The following INTS8 variants were observed in gnomAD, a reference collection of about 807,000 sequenced individuals.
INTS8 encodes the protein protein kaonashi-1.
In INTS8, 47 loss-of-function variants were observed where a neutral mutation model predicts 138.9. The observed-to-expected ratio is 0.34, with a 90% confidence interval of 0.27 to 0.43. The LOEUF (loss-of-function observed/expected upper bound fraction) is 0.43. INTS8 is among the 20% of genes least tolerant of loss of function. INTS8 has a pLI of 1.00. For synonymous variants in INTS8, 392 were observed against 400.9 expected (o/e 0.98, Z 0.27); for missense variants, 996 against 1,173.0 (o/e 0.85, Z 2.20).
At chr8:94,848,122 C>T (rs1815399325) in intron 10 of INTS8, among the ~76,000 whole-genome samples, 1 of 151,096 alleles carries the variant, frequency 6.6e-6, no homozygotes, top group African/African-American at 2.4e-5. Flanking sequence ...GATTCTCCTG[C>T]CTCAGCCTCC....
chr8:94,858,580 A>G (rs1815838086), intron 15 of INTS8, among the ~76,000 whole-genome samples: 1 of 152,250 alleles, frequency 6.6e-6, no homozygotes, highest in Admixed American at 6.5e-5. Context: ...CGTGTCAGGC[A>G]TTGTTCTAAG....
intron 16 of INTS8, chr8:94,860,289 AAAAC>A (rs903833140): frequency 1.3e-5 from 2 of 151,842 alleles, no homozygotes; most frequent in Non-Finnish European, 2.9e-5. Context: ...AGTTAAAAAA[AAAAC>A]AAAGTAGGCT....
At chr8:94,838,266 A>C (rs1354135698) in intron 7 of INTS8, among the ~76,000 whole-genome samples, 197 bp from the exon 8 acceptor site, 2 of 151,986 alleles carry the variant, frequency 1.3e-5, no homozygotes, top group Admixed American at 1.3e-4. Context: ...TGGCCAGGCT[A>C]GTCTCGAACT....
At chr8:94,834,504 T>C (rs1455330495) in intron 6 of INTS8, among the ~76,000 whole-genome samples, 4 of 151,812 alleles carry the variant, frequency 2.6e-5, no homozygotes, top group Admixed American at 2.6e-4. Context: ...GGTCAGAAGT[T>C]CTAGACCAGC....
chr8:94,843,064 G>A (rs1354863339), intron 10 of INTS8, among the ~76,000 whole-genome samples: 1 of 152,124 alleles, frequency 6.6e-6, no homozygotes, highest in Non-Finnish European at 1.5e-5. Flanking sequence ...GGTAGCTACT[G>A]CCCTGGCTTT....
intron 5 of INTS8, among the ~76,000 whole-genome samples, chr8:94,830,899 G>T (rs965586686): frequency 6.6e-6 from 1 of 152,108 alleles, no homozygotes; most frequent in African/African-American, 2.4e-5. Context: ...CCGGGTTCAA[G>T]CGATTCTTCT....
intron 12 of INTS8, among the ~76,000 whole-genome samples, chr8:94,850,606 C>T (rs576767228): frequency 3.4e-4 from 37 of 107,838 alleles, no homozygotes; most frequent in East Asian, 5.0e-4. Flanking sequence ...AGCGAGACTC[C>T]GACTCAAAAA....
At chr8:94,853,745 T>A (rs1036386983) in intron 13 of INTS8, 60 bp from the exon 14 acceptor site, 3 of 872,706 alleles carry the variant, frequency 3.4e-6, no homozygotes, top group Admixed American at 3.9e-5. Context: ...TGAAAGATTC[T>A]TATCTAGATT....
intron 5 of INTS8, among the ~76,000 whole-genome samples, chr8:94,831,012 G>C (rs368337266): frequency 5.1e-4 from 78 of 152,268 alleles, no homozygotes; most frequent in African/African-American, 1.8e-3. Flanking sequence ...TGGTCAGGCT[G>C]GTCTTGAACT....
chr8:94,865,419 A>G, intron 16 of INTS8, 87 bp from the exon 17 acceptor site: 1 of 1,064,556 alleles, frequency 9.4e-7, no homozygotes, highest in Non-Finnish European at 1.4e-6. Flanking sequence ...CAGTCATTCC[A>G]TCTTTCCTCC....
At chr8:94,857,852 A>G (rs1465377357) in intron 15 of INTS8, among the ~76,000 whole-genome samples, 2 of 152,240 alleles carry the variant, frequency 1.3e-5, no homozygotes, top group East Asian at 3.8e-4. Flanking sequence ...TTCCAGATAC[A>G]CATGAATTTT....
intron 5 of INTS8, 72 bp from the exon 6 acceptor site, chr8:94,831,920 G>T (rs770840763): frequency 8.1e-7 from 1 of 1,229,432 alleles, no homozygotes; most frequent in Non-Finnish European, 1.1e-6. Flanking sequence ...TTACTAAATA[G>T]ACTGTAAATA....
At position 94,880,941 on chromosome 8, in the gene INTS8, T is replaced by G; in HGVS notation, c.*707T>G. 1 of 398,838 alleles carries G rather than the reference T, an allele frequency of 2.5e-6. No individual in the cohort carries two copies. Among genetic ancestry groups the G allele is most frequent in the Admixed American group, 4.4e-5 (1 of 22,738 alleles). 24.7% of individuals were successfully genotyped at this position (398,838 alleles called of 1,614,324 possible). On this transcript the variant is annotated 3_prime_UTR_variant, in exon 27 of 27. Transcript: ENST00000523731. ...AAGGAGCCACAGCATTTATCTTGTT[T>G]ATAATTTCTTTGGTACTCCCACTGT... is the stretch of plus-strand genomic sequence containing the variant.
At chr8:94,871,689 C>T in intron 20 of INTS8, among the ~76,000 whole-genome samples, 195 bp from the exon 21 acceptor site, 1 of 152,092 alleles carries the variant, frequency 6.6e-6, no homozygotes, top group South Asian at 2.1e-4. Context: ...GTTTTCAACC[C>T]CTCATAAAAA....
chr8:94,838,662 C>G (rs766561273), intron 8 of INTS8, 44 bp downstream of exon 8: 11 of 1,535,782 alleles, frequency 7.2e-6, no homozygotes, highest in African/African-American at 1.4e-5. Context: ...GGAAGCCAGA[C>G]AAAACTAAGT....
rs372035254 is a variant in INTS8 at position 94,850,106 on chromosome 8, C to T, written c.1507+15C>T. ...TGATATCCCAGGTTAGCTCTCTAGT[C>T]GGCCAGCCAAAATGTTGGCATGTTT... On this transcript the variant is annotated intron_variant, in intron 12 of 26. Coordinates refer to ENST00000523731, the MANE Select transcript of INTS8 (RefSeq NM_017864.4). 42 of 1,551,796 alleles carry T rather than the reference C, an allele frequency of 2.7e-5. 1 individual carries two copies. The African/African-American group carries it at 3.6e-4, about 13-fold the overall frequency.
At chr8:94,829,089 A>C in intron 5 of INTS8, 63 bp downstream of exon 5, 1 of 1,235,106 alleles carries the variant, frequency 8.1e-7, no homozygotes, top group East Asian at 2.4e-5. Context: ...GCAGTTCCCA[A>C]CCTTTTTGGC....
intron 6 of INTS8, among the ~76,000 whole-genome samples, chr8:94,834,602 G>A (rs963122880): frequency 1.3e-5 from 2 of 151,774 alleles, no homozygotes; most frequent in Non-Finnish European, 2.9e-5. Context: ...TACTCGGCAG[G>A]CTGAGGCAGG....
chr8:94,849,940 T>A lies in INTS8; in HGVS notation c.1356T>A (p.Asp452Glu), dbSNP rs1380315441. ...FLKNVCLGLE[D>E]LQYVFMISSH... is the part of the protein sequence containing the mutation. The stretch of plus-strand genomic sequence containing the variant: ...GGAATGTGTGTCTGGGGTTGGAAGA[T>A]CTGCAGTATGTTTTCATGATTTCTT... The change falls in exon 12 of 27, where the codon GAT becomes GAA. Residue 452 changes from aspartate to glutamate, a missense_variant. Physicochemically the swap from Asp to Glu is conservative, Grantham distance 45 (BLOSUM62 2). Transcript: ENST00000523731. The A allele has an allele frequency of 1.2e-6, 2 of 1,612,220 alleles. No individual in the cohort carries two copies. Among genetic ancestry groups the A allele is most frequent in the Admixed American group, 1.7e-5 (1 of 59,760 alleles).
Sources: gnomAD v4.1 joint callset for allele counts (sites outside exome capture counted in the v4.1 genomes callset) on GRCh38, gnomAD v4.1.1 for gene constraint, MANE v1.5 for transcripts, NCBI Gene and HGNC (gene_info 2026-07-23, HGNC 2026-07-21) for gene names.